Variants in KIR2DL1 observed in about 807,000 individuals in gnomAD.
KIR2DL1 encodes the protein killer cell immunoglobulin-like receptor 2DL1.
Under a neutral mutation model 33.9 loss-of-function variants are expected in KIR2DL1, and 38 were observed. That is an observed-to-expected ratio of 1.12 (90% CI 0.86 to 1.47). The LOEUF is 1.47. Ranked by LOEUF, KIR2DL1 falls within the 40% of genes most tolerant of loss-of-function variation. The pLI, the probability that KIR2DL1 is intolerant of heterozygous loss-of-function variation, is 0.00. For synonymous variants in KIR2DL1, 179 were observed against 165.9 expected, an observed-to-expected ratio of 1.08 and a Z score of -0.61; for missense variants, 531 against 433.9, an observed-to-expected ratio of 1.22 and a Z score of -1.99.
intron 2 of KIR2DL1, among the ~76,000 whole-genome samples, chr19:54,772,919 C>T (rs2075911769): frequency 6.8e-6 from 1 of 146,890 alleles, no homozygotes; most frequent in Admixed American, 7.0e-5. Flanking sequence ...TGTGTGGCCA[C>T]TGGTGCCTGC....
At chr19:54,783,336 G>A in intron 6 of KIR2DL1, 150 bp from the exon 7 acceptor site, 1 of 826,908 alleles carries the variant, frequency 1.2e-6, no homozygotes, top group South Asian at 1.6e-5. Context: ...ATGGGTCCTT[G>A]AGCTCAGAGA....
At chr19:54,781,543 G>C (rs548432154) in intron 5 of KIR2DL1, among the ~76,000 whole-genome samples, 1 of 150,798 alleles carries the variant, frequency 6.6e-6, no homozygotes, top group Non-Finnish European at 1.5e-5. Flanking sequence ...AGTGAGTCCA[G>C]ATCTTGGAAT....
At position 54,773,587 on chromosome 19, in the gene KIR2DL1, T is replaced by A; in HGVS notation, c.325T>A (p.Tyr109Asn). 2 of 1,580,032 alleles carry A rather than the reference T, an allele frequency of 1.3e-6. No individual in the cohort carries two copies. The highest frequency in any genetic ancestry group is 1.7e-6 in the Non-Finnish European group (2 of 1,153,118). The change falls in exon 3 of 8, where the codon TAT (tyrosine) becomes AAT (asparagine). Residue 109 changes from tyrosine to asparagine, a missense_variant. Coordinates refer to ENST00000336077, the MANE Select transcript of KIR2DL1 (RefSeq NM_014218.3). ...CTACGGTTCTGTTACTCACTCCCCC[T>A]ATCAGGTGTCAGCTCCCAGTGACCC... Reference protein sequence around the residue: ...RCYGSVTHSPYQVSAPSDPLD... With the variant: ...RCYGSVTHSPNQVSAPSDPLD...
chr19:54,783,503 C>A lies in KIR2DL1; in HGVS notation c.835C>A (p.Gln279Lys). The A allele has an allele frequency of 6.2e-7, 1 of 1,613,528 alleles. No homozygotes were observed. Residue 279 changes from glutamine to lysine, a missense_variant, in exon 7 of 8, where the codon CAA becomes AAA. Transcript: ENST00000336077. ...SNKKNAAVMD[Q>K]ESAGNRTANS... ...TTCTACAGATGCTGCGGTAATGGAC[C>A]AAGAGTCTGCAGGAAACAGAACAGC...
intron 6 of KIR2DL1, 146 bp downstream of exon 6, chr19:54,783,169 A>G (rs2077235952): frequency 4.2e-6 from 4 of 956,456 alleles, no homozygotes; most frequent in Middle Eastern, 2.5e-4. Context: ...AGAGGGCACC[A>G]GACTCCCTGT....
intron 4 of KIR2DL1, among the ~76,000 whole-genome samples, chr19:54,776,422 C>G (rs1292462898): frequency 1.4e-5 from 2 of 145,908 alleles, no homozygotes; most frequent in Admixed American, 7.0e-5. Context: ...GGATGTTATT[C>G]TTTCTATGGA....
In KIR2DL1 at chr19:54,782,930, C is replaced by A. The variant is rs149300913; in HGVS notation, c.724C>A (p.Arg242=). The change falls in exon 6 of 8, where the codon CGA becomes AGA. Residue 242 remains arginine, a synonymous_variant. Coordinates refer to ENST00000336077, the MANE Select transcript of KIR2DL1 (RefSeq NM_014218.3). ...GTCTCATCTTCTTCCAGGTAACCCC[C>A]GACACCTGCACATTCTGATTGGGAC... ...TEPSSKTGNP[R]HLHILIGTSV... The A allele has an allele frequency of 5.0e-4, 811 of 1,611,208 alleles. 9 individuals carry two copies. The African/African-American group carries it at 8.4e-3, about 17-fold the overall frequency.
At chr19:54,770,090 T>C (rs2147387813) in intron 1 of KIR2DL1, among the ~76,000 whole-genome samples, 1 of 134,502 alleles carries the variant, frequency 7.4e-6, no homozygotes, top group Admixed American at 7.8e-5. Context: ...GGTGGAGTGA[T>C]GGGACTGTAG....
At chr19:54,782,301 T>C (rs2077064514) in intron 5 of KIR2DL1, among the ~76,000 whole-genome samples, 3 of 152,132 alleles carry the variant, frequency 2.0e-5, no homozygotes, top group Admixed American at 1.3e-4. Context: ...GCCATTTTTG[T>C]TGCTCTAAAG....
chr19:54,778,270 T>TA (rs141446221), intron 4 of KIR2DL1, among the ~76,000 whole-genome samples: 7 of 137,372 alleles, frequency 5.1e-5, no homozygotes, highest in Non-Finnish European at 9.6e-5. Flanking sequence ...AAAGAAAAAA[T>TA]AAAAAACCAT....
In KIR2DL1 at chr19:54,772,319, G is replaced by A. The variant is rs561547312; in HGVS notation, c.71-1014G>A. ...GGAAGTCCAGGAGCCATGAATGCAG[G>A]TGGCCTATAGAGGCTGGAAAAGTCA... On this transcript the variant is annotated intron_variant, in intron 2 of 7. Coordinates refer to ENST00000336077, the MANE Select transcript of KIR2DL1 (RefSeq NM_014218.3). 3.5e-3 allele frequency among the ~76,000 whole-genome samples: 510 copies of A among 147,648 alleles called. 9 individuals carry two copies. Among genetic ancestry groups the A allele is most frequent in the African/African-American group, 0.012 (489 of 40,450 alleles).
At position 54,783,776 on chromosome 19, in the gene KIR2DL1, A is replaced by G. The variant is rs374125836; in HGVS notation, c.1010A>G (p.Asn337Ser). Residue 337 changes from asparagine (N) to serine (S), a missense_variant, in exon 8 of 8, where the codon AAT becomes AGT. By Grantham distance (46) the Asn-to-Ser change is conservative. Coordinates refer to ENST00000336077, the MANE Select transcript of KIR2DL1 (RefSeq NM_014218.3). ...ATCATCGTGTACACGGAACTTCCAA[A>G]TGCTGAGTCCAGATCCAAAGTTGTC... is the stretch of plus-strand genomic sequence containing the variant. ...TDIIVYTELP[N>S]AESRSKVVSC... The G allele has an allele frequency of 9.2e-4, 1,489 of 1,613,898 alleles. 13 individuals carry two copies. In the African/African-American group the frequency reaches 0.017, roughly 18 times the overall value.
Position 54,779,524 on chromosome 19 carries a change from T to G in KIR2DL1, c.715+862T>G, listed in dbSNP as rs1184961097. ...TTCTCTGAGTGCTGCTCTCCCTTCT[T>G]CCTCATCTTTTGAAAACTTGGGGAT... On this transcript the variant is annotated intron_variant, in intron 5 of 7. Coordinates refer to ENST00000336077, the MANE Select transcript of KIR2DL1 (RefSeq NM_014218.3). Among the ~76,000 whole-genome samples the G allele has an allele frequency of 6.2e-4, 90 of 146,138 alleles. 3 individuals carry two copies. The highest frequency in any genetic ancestry group is 2.2e-3 in the African/African-American group (87 of 39,954).
At chr19:54,782,282 C>T (rs1488850983) in intron 5 of KIR2DL1, among the ~76,000 whole-genome samples, 1 of 151,898 alleles carries the variant, frequency 6.6e-6, no homozygotes. Context: ...CAGGAAGTTG[C>T]TGTCTTAGGC....
intron 4 of KIR2DL1, among the ~76,000 whole-genome samples, chr19:54,775,975 T>C (rs1163845899): frequency 1.3e-4 from 19 of 146,674 alleles, no homozygotes; most frequent in Non-Finnish European, 1.7e-4. Context: ...CACTGCAACC[T>C]CCGCCTCCTG....
At chr19:54,778,211 A>T (rs751795807) in intron 4 of KIR2DL1, among the ~76,000 whole-genome samples, 3 of 148,926 alleles carry the variant, frequency 2.0e-5, no homozygotes, top group Non-Finnish European at 4.5e-5. Context: ...GTGAACCGAG[A>T]TTGCACCTCT....
At position 54,773,371 on chromosome 19, in the gene KIR2DL1, C is replaced by G. The variant is rs780659307; in HGVS notation, c.109C>G (p.Arg37Gly). Reference protein sequence around the residue: ...RKPSLLAHPGRLVKSEETVIL... With the variant: ...RKPSLLAHPGGLVKSEETVIL... Reference sequence around the variant, plus strand: ...ACCTTCCCTCCTGGCCCACCCAGGTCGCCTGGTGAAATCAGAAGAGACAGT... The same window carrying G: ...ACCTTCCCTCCTGGCCCACCCAGGTGGCCTGGTGAAATCAGAAGAGACAGT... Residue 37 changes from arginine (R) to glycine (G), a missense_variant, in exon 3 of 8, where the codon CGC (arginine) becomes GGC (glycine). By Grantham distance (125) the Arg-to-Gly change is moderately radical (BLOSUM62 -2). Coordinates refer to ENST00000336077, the MANE Select transcript of KIR2DL1 (RefSeq NM_014218.3). The G allele has an allele frequency of 6.3e-7, 1 of 1,599,624 alleles. No homozygotes were observed. The highest frequency in any genetic ancestry group is 1.1e-5 in the South Asian group (1 of 90,538).
rs1391629059 is a variant in KIR2DL1, at chr19:54,778,325, C to G, written c.665-287C>G. Among the ~76,000 whole-genome samples, 11 of 149,358 alleles carry G rather than the reference C, an allele frequency of 7.4e-5. 1 individual carries two copies. The highest frequency in any genetic ancestry group is 2.4e-4 in the African/African-American group (10 of 40,890). On this transcript the variant is annotated intron_variant, in intron 4 of 7. Coordinates refer to ENST00000336077, the MANE Select transcript of KIR2DL1 (RefSeq NM_014218.3). ...TATATCTGTGTTATTCATTCTGCTC[C>G]GTTGTTCTATGTGCCTTTCTTTATG... is the stretch of plus-strand genomic sequence containing the variant.
chr19:54,778,862 G>A, intron 5 of KIR2DL1, among the ~76,000 whole-genome samples, 200 bp downstream of exon 5: 1 of 148,640 alleles, frequency 6.7e-6, no homozygotes, highest in South Asian at 2.1e-4. Flanking sequence ...CTCATTTTAT[G>A]GAGCTGAGAC....
Sources: allele counts gnomAD v4.1 joint callset (sites outside exome capture counted in the v4.1 genomes callset), GRCh38; gene constraint gnomAD v4.1.1; transcripts MANE v1.5; gene names NCBI Gene and HGNC (gene_info 2026-07-23, HGNC 2026-07-21).